The following PDE4D variants were observed in gnomAD, a reference collection of about 807,000 sequenced individuals.
PDE4D encodes 3',5'-cyclic-AMP phosphodiesterase 4D.
PDE4D carries 24 observed loss-of-function variants against 87.4 expected under a neutral mutation model. That is an observed-to-expected ratio of 0.27 (90% CI 0.20 to 0.39). The LOEUF is 0.39. PDE4D is among the 10% of genes least tolerant of loss of function. PDE4D has a pLI of 1.00. For missense variants in PDE4D, 714 were observed against 1,041.0 expected (o/e 0.69, Z 4.32); for synonymous variants, 384 against 383.2 (o/e 1.00, Z -0.02).
At chr5:60,027,474 TCAA>T (rs1318276218) in intron 2 of PDE4D, among the ~76,000 whole-genome samples, 12 of 152,170 alleles carry the variant, frequency 7.9e-5, no homozygotes, top group African/African-American at 2.4e-4. Context: ...TACCTAGGTG[TCAA>T]TAGGCACCTA....
intron 1 of PDE4D, among the ~76,000 whole-genome samples, chr5:60,213,574 G>GCCC (rs1304338510): frequency 1.3e-5 from 2 of 152,170 alleles, no homozygotes; most frequent in Non-Finnish European, 2.9e-5. Flanking sequence ...AGCTAGGAAA[G>GCCC]TTTGCCATTC....
At chr5:60,357,711 A>T (rs1262172514) in intron 1 of PDE4D, among the ~76,000 whole-genome samples, 1 of 152,198 alleles carries the variant, frequency 6.6e-6, no homozygotes, top group Non-Finnish European at 1.5e-5. Context: ...GGGTTATATT[A>T]TTCTCCTCAT....
At chr5:60,105,970 T>C (rs1174029589) in intron 2 of PDE4D, among the ~76,000 whole-genome samples, 1 of 152,164 alleles carries the variant, frequency 6.6e-6, no homozygotes, top group African/African-American at 2.4e-5. Context: ...AATAACCAGC[T>C]GACATCATAA....
intron 5 of PDE4D, among the ~76,000 whole-genome samples, chr5:59,148,204 C>T (rs1778951386): frequency 2.0e-5 from 3 of 152,010 alleles, no homozygotes; most frequent in Admixed American, 1.3e-4. Flanking sequence ...TTGTCAGTGA[C>T]CTTGGAGTCC....
chr5:60,083,293 A>T (rs375576669), intron 2 of PDE4D, among the ~76,000 whole-genome samples: 1 of 152,226 alleles, frequency 6.6e-6, no homozygotes, highest in African/African-American at 2.4e-5. Context: ...ATACCCATGA[A>T]TTATATTAGA....
At chr5:59,303,349 C>T (rs906452684) in intron 1 of PDE4D, among the ~76,000 whole-genome samples, 4 of 152,136 alleles carry the variant, frequency 2.6e-5, no homozygotes, top group Non-Finnish European at 4.4e-5. Flanking sequence ...TGTCTGTTTA[C>T]TCTGCTGACT....
chr5:60,104,862 T>A (rs1776690980), intron 2 of PDE4D, among the ~76,000 whole-genome samples: 1 of 152,130 alleles, frequency 6.6e-6, no homozygotes, highest in Non-Finnish European at 1.5e-5. Flanking sequence ...AACCCATCTG[T>A]ACATCACCAT....
At chr5:59,048,467 C>A (rs1187555456) in intron 5 of PDE4D, among the ~76,000 whole-genome samples, 1 of 152,108 alleles carries the variant, frequency 6.6e-6, no homozygotes, top group African/African-American at 2.4e-5. Context: ...CTCTAACATT[C>A]ATTTATTATC....
chr5:59,430,443 AG>A (rs1795939820), intron 1 of PDE4D: 1 of 1,230,650 alleles, frequency 8.1e-7, no homozygotes, highest in African/African-American at 1.6e-5. Flanking sequence ...AAGAAGTAAA[AG>A]CAAATCTGAG....
chr5:59,292,368 C>T (rs185285741), intron 1 of PDE4D, among the ~76,000 whole-genome samples: 10 of 152,218 alleles, frequency 6.6e-5, no homozygotes, highest in Admixed American at 6.5e-4. Context: ...GTACCTTAAG[C>T]AAAGATGTTT....
chr5:59,497,000 C>T (rs1203097228), intron 1 of PDE4D, among the ~76,000 whole-genome samples: 1 of 152,088 alleles, frequency 6.6e-6, no homozygotes, highest in Non-Finnish European at 1.5e-5. Flanking sequence ...AATTACACTA[C>T]AAAACAAAAT....
At chr5:59,845,180 C>G (rs559084995) in intron 1 of PDE4D, among the ~76,000 whole-genome samples, 2 of 152,102 alleles carry the variant, frequency 1.3e-5, no homozygotes, top group Non-Finnish European at 2.9e-5. Context: ...TGATACGCAC[C>G]TGACTCCTGA....
intron 1 of PDE4D, among the ~76,000 whole-genome samples, chr5:59,609,435 T>A (rs1446596839): frequency 2.7e-5 from 4 of 150,652 alleles, no homozygotes; most frequent in Non-Finnish European, 5.9e-5. Flanking sequence ...ATCACTATGA[T>A]TTGATGAAAC....
chr5:59,295,073 A>T (rs1016574724), intron 1 of PDE4D, among the ~76,000 whole-genome samples: 5 of 152,200 alleles, frequency 3.3e-5, no homozygotes, highest in African/African-American at 1.2e-4. Context: ...TACAAAATTA[A>T]CATTATACCT....
intron 1 of PDE4D, among the ~76,000 whole-genome samples, chr5:59,440,651 C>T (rs1797475162): frequency 6.6e-6 from 1 of 152,294 alleles, no homozygotes; most frequent in Admixed American, 6.5e-5. Context: ...TGGTGTATGC[C>T]TCTAATGCCA....
intron 2 of PDE4D, chr5:60,021,966 A>G (rs1222687395): frequency 2.6e-5 from 4 of 152,096 alleles, no homozygotes; most frequent in Non-Finnish European, 5.9e-5. Flanking sequence ...TTCTGACTTG[A>G]TCTCCCAAAG....
At chr5:59,639,898 C>A (rs1741274354) in intron 1 of PDE4D, among the ~76,000 whole-genome samples, 1 of 146,922 alleles carries the variant, frequency 6.8e-6, no homozygotes, top group Non-Finnish European at 1.5e-5. Context: ...TGGTTGTTGT[C>A]CAGTCACTGC....
At chr5:59,910,324 G>C (rs1322337182) in intron 3 of PDE4D, among the ~76,000 whole-genome samples, 1 of 152,144 alleles carries the variant, frequency 6.6e-6, no homozygotes, top group Non-Finnish European at 1.5e-5. Context: ...ATCAATACAA[G>C]ATTGACAAAG....
chr5:60,318,298 G>T (rs1755839861), intron 1 of PDE4D, among the ~76,000 whole-genome samples: 1 of 152,028 alleles, frequency 6.6e-6, no homozygotes, highest in African/African-American at 2.4e-5. Context: ...CAGAGACTAG[G>T]ATTGCAACCC....
Sources: allele counts gnomAD v4.1 joint callset (sites outside exome capture counted in the v4.1 genomes callset), GRCh38; gene constraint gnomAD v4.1.1; transcripts MANE v1.5; gene names NCBI Gene and HGNC (gene_info 2026-07-23, HGNC 2026-07-21).